The following ATP8B4 variants were observed in gnomAD, a reference collection of about 807,000 sequenced individuals.
The protein encoded by ATP8B4 is probable phospholipid-transporting ATPase IM.
In ATP8B4, 133 loss-of-function variants were observed where a neutral mutation model predicts 145.6. The ratio of observed to expected loss-of-function variants is 0.91; its 90% CI spans 0.79 to 1.05. The LOEUF (loss-of-function observed/expected upper bound fraction) is 1.05. Ranked by LOEUF, ATP8B4 falls within the 50% of genes least tolerant of loss-of-function variation. The pLI is 0.00. For synonymous variants in ATP8B4, 507 were observed against 492.9 expected (o/e 1.03, Z -0.38); for missense variants, 1,458 against 1,425.2 (o/e 1.02, Z -0.37).
intron 7 of ATP8B4, among the ~76,000 whole-genome samples, 166 bp from the exon 8 acceptor site, chr15:50,002,389 C>T (rs1198695686): frequency 6.6e-6 from 1 of 152,096 alleles, no homozygotes; most frequent in South Asian, 2.1e-4. Flanking sequence ...TGAACCAAAC[C>T]CTCCCTCTTC....
At chr15:49,909,695 G>C (rs944054059) in intron 20 of ATP8B4, among the ~76,000 whole-genome samples, 1 of 125,238 alleles carries the variant, frequency 8.0e-6, no homozygotes, top group African/African-American at 3.1e-5. Context: ...CACTGAGGAA[G>C]TCACAGACAC....
At chr15:50,071,369 T>C (rs1326004782) in intron 3 of ATP8B4, among the ~76,000 whole-genome samples, 1 of 152,148 alleles carries the variant, frequency 6.6e-6, no homozygotes, top group African/African-American at 2.4e-5. Flanking sequence ...CAAAAATAAT[T>C]GTAAATTGAA....
At chr15:49,996,334 C>T (rs568978598) in intron 9 of ATP8B4, among the ~76,000 whole-genome samples, 1 of 152,092 alleles carries the variant, frequency 6.6e-6, no homozygotes, top group Non-Finnish European at 1.5e-5. Flanking sequence ...GTGGTTAGAC[C>T]TAGAACTAGA....
At chr15:50,007,702 T>C (rs2153567374) in intron 7 of ATP8B4, among the ~76,000 whole-genome samples, 1 of 152,264 alleles carries the variant, frequency 6.6e-6, no homozygotes, top group Admixed American at 6.5e-5. Flanking sequence ...TTCAGGGGCC[T>C]GTAAGTTTTG....
At chr15:50,051,271 T>C (rs954551643) in intron 3 of ATP8B4, among the ~76,000 whole-genome samples, 3 of 152,198 alleles carry the variant, frequency 2.0e-5, no homozygotes, top group African/African-American at 7.2e-5. Flanking sequence ...TCCCCTTCCA[T>C]CATGACTCTA....
At position 49,860,203 on chromosome 15, in the gene ATP8B4, CACTGTTTT is replaced by C; in HGVS notation, c.3562_3569del (p.Lys1188GlufsTer31). 6.8e-6 allele frequency: 11 copies of C among 1,609,128 alleles called. No individual in the cohort carries two copies. Among genetic ancestry groups the C allele is most frequent in the Non-Finnish European group, 9.3e-6 (11 of 1,177,794 alleles). The stretch of plus-strand genomic sequence containing the variant: ...TTAAATTCATATTGACTCACAGTTT[CACTGTTTT>C]ATCCTGGCTAAAGCTGCTCACGGTG... On this transcript the variant is annotated frameshift_variant, in exon 28 of 28. Coordinates refer to ENST00000284509, the MANE Select transcript of ATP8B4 (RefSeq NM_024837.4). LOFTEE classifies it high-confidence loss of function.
chr15:49,925,127 C>T (rs2040599656), intron 16 of ATP8B4, among the ~76,000 whole-genome samples: 1 of 151,732 alleles, frequency 6.6e-6, no homozygotes, highest in South Asian at 2.1e-4. Flanking sequence ...CTATCAATAT[C>T]CATATTAGAA....
intron 3 of ATP8B4, among the ~76,000 whole-genome samples, chr15:50,053,733 G>A (rs1384937951): frequency 6.6e-6 from 1 of 152,060 alleles, no homozygotes; most frequent in East Asian, 1.9e-4. Flanking sequence ...TGGGGTGAAG[G>A]TGGGGAATAA....
chr15:50,170,564 C>A (rs958770492), intron 1 of ATP8B4, among the ~76,000 whole-genome samples: 2 of 140,418 alleles, frequency 1.4e-5, no homozygotes, highest in Non-Finnish European at 3.1e-5. Context: ...GGAAACACAT[C>A]AAAACAGAAC....
intron 10 of ATP8B4, among the ~76,000 whole-genome samples, chr15:49,981,739 A>T (rs995680580): frequency 6.6e-6 from 1 of 152,192 alleles, no homozygotes; most frequent in African/African-American, 2.4e-5. Context: ...AAAAGATTTG[A>T]GGTCCCTTTG....
chr15:50,009,719 A>T, intron 7 of ATP8B4: 1 of 454,508 alleles, frequency 2.2e-6, no homozygotes, highest in Middle Eastern at 3.3e-4. Context: ...TGTGGCTTAA[A>T]TAAAAGTAAA....
intron 16 of ATP8B4, among the ~76,000 whole-genome samples, chr15:49,929,489 G>A (rs533724007): frequency 6.6e-6 from 1 of 152,222 alleles, no homozygotes; most frequent in South Asian, 2.1e-4. Context: ...ACAATCCAGT[G>A]ACAGGACATA....
intron 13 of ATP8B4, among the ~76,000 whole-genome samples, chr15:49,971,383 C>T (rs1437368801): frequency 1.3e-5 from 2 of 152,162 alleles, no homozygotes; most frequent in African/African-American, 4.8e-5. Flanking sequence ...TGACAAAGGA[C>T]TAATATCCAG....
intron 10 of ATP8B4, chr15:49,982,397 G>C (rs896069572): frequency 6.6e-6 from 1 of 152,070 alleles, no homozygotes; most frequent in Admixed American, 6.6e-5. Context: ...TGAACATTGA[G>C]GGTGGGAAAT....
chr15:50,083,134 C>T (rs2054665354), intron 2 of ATP8B4, among the ~76,000 whole-genome samples: 1 of 152,112 alleles, frequency 6.6e-6, no homozygotes, highest in East Asian at 1.9e-4. Context: ...AACCTCGTGG[C>T]CCAGTCACTT....
chr15:49,884,111 A>T (rs1442221810), intron 23 of ATP8B4, among the ~76,000 whole-genome samples: 1 of 152,166 alleles, frequency 6.6e-6, no homozygotes, highest in East Asian at 1.9e-4. Context: ...TTTTTTAACA[A>T]ATTAATAAAA....
chr15:49,866,928 T>C (rs2032894866), intron 25 of ATP8B4, among the ~76,000 whole-genome samples: 2 of 152,234 alleles, frequency 1.3e-5, no homozygotes, highest in South Asian at 4.1e-4. Context: ...TACACATGCA[T>C]GATCTTTTTT....
At chr15:49,895,947 T>C (rs562915432) in intron 23 of ATP8B4, 2 of 152,308 alleles carry the variant, frequency 1.3e-5, no homozygotes, top group South Asian at 4.1e-4. Flanking sequence ...CCTTAAGCCT[T>C]TGGAATATGA....
chr15:50,071,016 C>T (rs2053697228), intron 3 of ATP8B4, among the ~76,000 whole-genome samples: 1 of 152,192 alleles, frequency 6.6e-6, no homozygotes, highest in Non-Finnish European at 1.5e-5. Context: ...TCTGGGATTA[C>T]AGGCATGAAT....
Sources: allele counts gnomAD v4.1 joint callset (sites outside exome capture counted in the v4.1 genomes callset), GRCh38; gene constraint gnomAD v4.1.1; transcripts MANE v1.5; gene names NCBI Gene and HGNC (gene_info 2026-07-23, HGNC 2026-07-21).